Variants in TMC5 observed in about 807,000 individuals in gnomAD.
TMC5 encodes transmembrane channel like 5.
Under a neutral mutation model 110.5 loss-of-function variants are expected in TMC5, and 86 were observed. That is an observed-to-expected ratio of 0.78 (90% CI 0.65 to 0.93). The LOEUF is 0.93. Ranked by LOEUF, TMC5 falls within the 40% of genes least tolerant of loss-of-function variation. TMC5 has a pLI of 0.00. For synonymous variants in TMC5, 455 were observed against 439.5 expected (o/e 1.04, Z -0.44); for missense variants, 1,144 against 1,222.8 (o/e 0.94, Z 0.96).
Position 19,497,168 on chromosome 16 carries a change from G to A in TMC5, c.2974+5G>A, listed in dbSNP as rs1377364435. The A allele has an allele frequency of 3.1e-6, 5 of 1,613,374 alleles. No homozygotes were observed. The highest frequency in any genetic ancestry group is 4.2e-6 in the Non-Finnish European group (5 of 1,179,526). On this transcript the variant is annotated splice_donor_5th_base_variant and intron_variant, in intron 21 of 21. Transcript: ENST00000542583. The stretch of plus-strand genomic sequence containing the variant: ...GGGAACATGATGGCAGTCTTGGTGA[G>A]TAATTAAACTGGGACAGAATAAGAC...
At chr16:19,426,909 C>T (rs1352092051) in intron 1 of TMC5, among the ~76,000 whole-genome samples, 1 of 152,120 alleles carries the variant, frequency 6.6e-6, no homozygotes, top group African/African-American at 2.4e-5. Flanking sequence ...AAGCTAAATT[C>T]CCAGGTCCCA....
intron 2 of TMC5, among the ~76,000 whole-genome samples, chr16:19,430,865 T>TC (rs2143406155): frequency 6.7e-6 from 1 of 149,700 alleles, no homozygotes; most frequent in Non-Finnish European, 1.5e-5. Context: ...AAACAATTTT[T>TC]TTTTTTTTTT....
At position 19,456,636 on chromosome 16, in the gene TMC5, C is replaced by A. The variant is rs1003412355; in HGVS notation, c.1049-3599C>A. Reference sequence around the variant, plus strand: ...TTTTCCCTGCGAGTCCCAATCAATGCGGGTGTGACTGCTGTATGAAGTCTC... The same window carrying A: ...TTTTCCCTGCGAGTCCCAATCAATGAGGGTGTGACTGCTGTATGAAGTCTC... On this transcript the variant is annotated intron_variant, in intron 5 of 21. Coordinates refer to ENST00000542583, the MANE Select transcript of TMC5 (RefSeq NM_001261841.2). 3.9e-6 allele frequency: 6 copies of A among 1,542,190 alleles called. No homozygotes were observed. In the African/African-American group the frequency reaches 5.5e-5, roughly 14 times the overall value.
intron 20 of TMC5, among the ~76,000 whole-genome samples, chr16:19,496,175 A>G (rs79802092): frequency 6.8e-6 from 1 of 146,446 alleles, no homozygotes; most frequent in African/African-American, 2.5e-5. Flanking sequence ...AAAAAAAATT[A>G]AAAAGTTATT....
chr16:19,494,085 G>C (rs954782544), intron 19 of TMC5, among the ~76,000 whole-genome samples, 177 bp from the exon 20 acceptor site: 1 of 152,006 alleles, frequency 6.6e-6, no homozygotes, highest in Non-Finnish European at 1.5e-5. Flanking sequence ...GGGATAATTT[G>C]GTTTTACTGT....
In TMC5 at chr16:19,469,825, G is replaced by C. The variant is rs201005235; in HGVS notation, c.1782G>C (p.Arg594Ser). 6.2e-7 allele frequency: 1 copy of C among 1,613,892 alleles called. No homozygotes were observed. Among genetic ancestry groups the C allele is most frequent in the South Asian group, 1.1e-5 (1 of 91,066 alleles). Residue 594 changes from arginine to serine, a missense_variant and splice_region_variant, in exon 10 of 22, where the codon AGG (arginine) becomes AGC (serine). Coordinates refer to ENST00000542583, the MANE Select transcript of TMC5 (RefSeq NM_001261841.2). The part of the protein sequence containing the change: ...LKQKNLSTEI[R>S]ENLSELRQEN... ...AGAAGAATCTTAGCACTGAGATAAGGGTAAGGCGAGCTCACTTTACTCATT... is the reference window on the plus strand; with the variant it reads ...AGAAGAATCTTAGCACTGAGATAAGCGTAAGGCGAGCTCACTTTACTCATT...
chr16:19,494,309 G>C lies in TMC5; in HGVS notation c.2874G>C (p.Gln958His). 1 of 1,613,742 alleles carries C rather than the reference G, an allele frequency of 6.2e-7. No individual in the cohort carries two copies. The highest frequency in any genetic ancestry group is 8.5e-7 in the Non-Finnish European group (1 of 1,179,848). Residue 958 changes from glutamine (Q) to histidine (H), a missense_variant, in exon 20 of 22, where the codon CAG (glutamine) becomes CAC (histidine). Physicochemically the swap from Gln to His is conservative, Grantham distance 24 (BLOSUM62 0). Transcript: ENST00000542583. ...MFLIEKLIKL[Q>H]DMEKKANPSS... ...TGATAGAAAAATTGATCAAGCTGCAGGATATGGAGAAGAAAGCAAACCCCA... is the reference window on the plus strand; with the variant it reads ...TGATAGAAAAATTGATCAAGCTGCACGATATGGAGAAGAAAGCAAACCCCA...
chr16:19,469,210 C>T (rs4782250), intron 9 of TMC5, among the ~76,000 whole-genome samples: 77,682 of 151,636 alleles, frequency 0.51, 23,207 homozygotes, highest in Non-Finnish European at 0.67. Flanking sequence ...AAAAATTGGC[C>T]GGGCGTGGTG....
At chr16:19,426,289 C>G (rs776277951) in intron 1 of TMC5, among the ~76,000 whole-genome samples, 7 of 152,178 alleles carry the variant, frequency 4.6e-5, no homozygotes, top group Non-Finnish European at 1.0e-4. Context: ...TGATGCAGAC[C>G]CATACATGCA....
intron 10 of TMC5, among the ~76,000 whole-genome samples, chr16:19,471,164 CT>C: frequency 6.6e-6 from 1 of 152,188 alleles, no homozygotes; most frequent in East Asian, 1.9e-4. Flanking sequence ...TCATAATTCA[CT>C]GCAGTGTCGA....
chr16:19,490,620 G>T, intron 18 of TMC5, 52 bp downstream of exon 18: 1 of 1,588,592 alleles, frequency 6.3e-7, no homozygotes, highest in Non-Finnish European at 8.6e-7. Context: ...GCTCTCGAGG[G>T]AAACAGCAGT....
intron 1 of TMC5, among the ~76,000 whole-genome samples, chr16:19,427,385 G>A (rs1396484294): frequency 6.6e-6 from 1 of 152,188 alleles, no homozygotes; most frequent in African/African-American, 2.4e-5. Flanking sequence ...CCAGGAGTTC[G>A]AGGCTGCAGT....
At chr16:19,481,288 T>G in intron 14 of TMC5, 82 bp from the exon 15 acceptor site, 3 of 1,020,928 alleles carry the variant, frequency 2.9e-6, no homozygotes, top group Non-Finnish European at 4.6e-6. Context: ...GAGGGTCTCT[T>G]TTGTTGATTG....
chr16:19,429,750 C>T (rs1967158228), intron 1 of TMC5, among the ~76,000 whole-genome samples: 2 of 152,068 alleles, frequency 1.3e-5, no homozygotes. Context: ...TTTTCATAGC[C>T]TTTCAAGAAT....
rs1968766372 is a variant in TMC5, at chr16:19,487,206, T to C, written c.2453T>C (p.Met818Thr). 6.2e-7 allele frequency: 1 copy of C among 1,613,006 alleles called. No individual in the cohort carries two copies. Among genetic ancestry groups the C allele is most frequent in the Non-Finnish European group, 8.5e-7 (1 of 1,179,534 alleles). ...MFYSKNISLM[M>T]NFQPPSKAWR... ...CTCTCTCTTCAGATCAGCCTGATGA[T>C]GAATTTCCAGCCTCCGAGCAAAGCC... is the stretch of plus-strand genomic sequence containing the variant. Residue 818 changes from methionine (M) to threonine (T), a missense_variant, in exon 17 of 22, where the codon ATG (methionine) becomes ACG (threonine). Transcript: ENST00000542583.
At chr16:19,421,440 C>T (rs191029206) in intron 1 of TMC5, among the ~76,000 whole-genome samples, 111 of 152,238 alleles carry the variant, frequency 7.3e-4, no homozygotes, top group African/African-American at 2.5e-3. Context: ...CCTGCACACA[C>T]GCTCTTGCCT....
intron 5 of TMC5, among the ~76,000 whole-genome samples, chr16:19,454,949 G>C (rs1303666584): frequency 6.6e-6 from 1 of 152,082 alleles, no homozygotes; most frequent in East Asian, 1.9e-4. Flanking sequence ...GACCAGCCTG[G>C]ACAACAAAGT....
chr16:19,475,802 C>CTTT (rs1032784346), intron 12 of TMC5, among the ~76,000 whole-genome samples: 40 of 127,342 alleles, frequency 3.1e-4, no homozygotes, highest in Non-Finnish European at 4.5e-4. Flanking sequence ...AATTTTCTTT[C>CTTT]TTTTTTTTTT....
At chr16:19,438,435 G>GTAAGAA (rs1555480630) in intron 2 of TMC5, among the ~76,000 whole-genome samples, 1 of 103,920 alleles carries the variant, frequency 9.6e-6, no homozygotes, top group African/African-American at 4.2e-5. Flanking sequence ...AAGAAAGAAA[G>GTAAGAA]AGAAAGAAAG....
Sources: allele counts gnomAD v4.1 joint callset (sites outside exome capture counted in the v4.1 genomes callset), GRCh38; gene constraint gnomAD v4.1.1; transcripts MANE v1.5; gene names NCBI Gene and HGNC (gene_info 2026-07-23, HGNC 2026-07-21).